The following ANK3 variants were observed in gnomAD, a reference collection of about 807,000 sequenced individuals.
ANK3 encodes ankyrin-3.
A neutral mutation model predicts 370.9 loss-of-function variants in ANK3; 57 were observed. The observed-to-expected ratio is 0.15, with a 90% CI of 0.12 to 0.19. The LOEUF (loss-of-function observed/expected upper bound fraction) is 0.19. Ranked by LOEUF, ANK3 falls within the 10% of genes least tolerant of loss-of-function variation. The pLI is 1.00. For synonymous variants in ANK3, 1,929 were observed against 1,946.3 expected (o/e 0.99, Z 0.23); for missense variants, 4,439 against 5,302.1 (o/e 0.84, Z 5.06).
chr10:60,071,192 C>T lies in ANK3; in HGVS notation c.9689G>A (p.Arg3230His), dbSNP rs749129953. Residue 3230 changes from arginine to histidine, a missense_variant, in exon 37 of 44, where the codon CGT becomes CAT. Transcript: ENST00000280772. ...QTTVEETAVE[R>H]EMPNDVSKDS... ...TTTGCTCACGTCATTAGGCATTTCA[C>T]GCTCAACTGCTGTTTCCTCCACTGT... The T allele has an allele frequency of 1.3e-5, 21 of 1,614,020 alleles. No individual in the cohort carries two copies. The highest frequency in any genetic ancestry group is 1.6e-4 in the Middle Eastern group (1 of 6,084).
At chr10:60,600,460 A>G (rs1469154468) in intron 2 of ANK3, among the ~76,000 whole-genome samples, 1 of 152,204 alleles carries the variant, frequency 6.6e-6, no homozygotes, top group Non-Finnish European at 1.5e-5. Flanking sequence ...AATAGTCATT[A>G]TGACCAAGTA....
chr10:60,109,657 A>G (rs1193942985), intron 26 of ANK3, among the ~76,000 whole-genome samples: 3 of 152,210 alleles, frequency 2.0e-5, no homozygotes, highest in Admixed American at 2.0e-4. Context: ...TGGGCTTAAA[A>G]GCTGTCTGAA....
intron 5 of ANK3, among the ~76,000 whole-genome samples, chr10:60,267,517 A>G (rs2097899966): frequency 6.6e-6 from 1 of 152,202 alleles, no homozygotes; most frequent in Non-Finnish European, 1.5e-5. Flanking sequence ...TCAATGTAAA[A>G]GAGTAAAAAC....
intron 7 of ANK3, among the ~76,000 whole-genome samples, chr10:60,241,176 ATT>A (rs57642274): frequency 6.6e-6 from 1 of 151,054 alleles, no homozygotes; most frequent in African/African-American, 2.5e-5. Context: ...AAATATGATG[ATT>A]TTTTTTCCCA....
At chr10:60,065,882 T>C (rs1338328372) in intron 38 of ANK3, among the ~76,000 whole-genome samples, 1 of 152,218 alleles carries the variant, frequency 6.6e-6, no homozygotes, top group African/African-American at 2.4e-5. Flanking sequence ...GGTACATCTA[T>C]TGGATATTTT....
chr10:60,401,781 T>C (rs1351835244), intron 2 of ANK3, among the ~76,000 whole-genome samples: 1 of 152,204 alleles, frequency 6.6e-6, no homozygotes, highest in Non-Finnish European at 1.5e-5. Context: ...CCTCCAATTT[T>C]TTTTATGAGA....
chr10:60,693,243 C>T (rs1052704056), intron 1 of ANK3, among the ~76,000 whole-genome samples: 2 of 152,236 alleles, frequency 1.3e-5, no homozygotes, highest in African/African-American at 2.4e-5. Flanking sequence ...GCACCTGGCT[C>T]GCAGGGTCCT....
chr10:60,524,590 A>G (rs1022696910), intron 2 of ANK3, among the ~76,000 whole-genome samples: 2 of 152,052 alleles, frequency 1.3e-5, no homozygotes, highest in East Asian at 1.9e-4. Context: ...GCCTTCCACC[A>G]TGATTGTCAG....
intron 1 of ANK3, among the ~76,000 whole-genome samples, chr10:60,685,998 G>T (rs2079262486): frequency 6.6e-6 from 1 of 152,190 alleles, no homozygotes; most frequent in South Asian, 2.1e-4. Context: ...TCACAGATCA[G>T]TTCTCTCCAA....
intron 40 of ANK3, chr10:60,062,442 T>C (rs772514958): frequency 6.6e-6 from 1 of 152,246 alleles, no homozygotes; most frequent in Non-Finnish European, 1.5e-5. Context: ...ATTAAGCTAA[T>C]GTGAAAGAGG....
At chr10:60,488,846 A>T (rs1314010871) in intron 2 of ANK3, among the ~76,000 whole-genome samples, 2 of 152,250 alleles carry the variant, frequency 1.3e-5, no homozygotes, top group African/African-American at 2.4e-5. Context: ...TGCATTAGAC[A>T]ACTGTACCAT....
At chr10:60,037,475 C>CT (rs1008139304) in intron 43 of ANK3, among the ~76,000 whole-genome samples, 1 of 152,128 alleles carries the variant, frequency 6.6e-6, no homozygotes, top group Non-Finnish European at 1.5e-5. Flanking sequence ...ATCCCAGTGT[C>CT]TGTTTTTTCC....
rs191782469 is a variant in ANK3 at position 60,725,987 on chromosome 10, A to G, written c.57+7276T>C. 2.9e-3 allele frequency among the ~76,000 whole-genome samples: 437 copies of G among 152,336 alleles called. 1 individual carries two copies. Among genetic ancestry groups the G allele is most frequent in the Non-Finnish European group, 4.4e-3 (296 of 68,018 alleles). ...CCCTCTACTAGTCCTAAAATATAAA[A>G]AATTGTACAGCAAATATGCACAAAG... On this transcript the variant is annotated intron_variant, in intron 1 of 43. Transcript: ENST00000373827.
chr10:60,520,897 CAA>C (rs1207649033), intron 2 of ANK3, among the ~76,000 whole-genome samples: 1 of 151,700 alleles, frequency 6.6e-6, no homozygotes, highest in East Asian at 1.9e-4. Flanking sequence ...CTACTTTGCT[CAA>C]AAGTCCTAAT....
intron 4 of ANK3, among the ~76,000 whole-genome samples, chr10:60,274,505 A>G (rs1208507267): frequency 6.6e-6 from 1 of 152,158 alleles, no homozygotes; most frequent in Admixed American, 6.5e-5. Context: ...TCCTGGATGG[A>G]CTGAGACAGA....
At chr10:60,684,787 G>T in intron 1 of ANK3, 1 of 1,553,170 alleles carries the variant, frequency 6.4e-7, no homozygotes, top group South Asian at 1.1e-5. Flanking sequence ...ATGCACAGAT[G>T]GCATTTTATT....
chr10:60,200,615 AC>A (rs1056615226), intron 12 of ANK3, among the ~76,000 whole-genome samples: 2 of 105,642 alleles, frequency 1.9e-5, no homozygotes, highest in African/African-American at 3.6e-5. Flanking sequence ...CCCACCCCAC[AC>A]CCCCCACATC....
chr10:60,647,828 T>G (rs540132920), intron 1 of ANK3, among the ~76,000 whole-genome samples: 1 of 150,232 alleles, frequency 6.7e-6, no homozygotes, highest in East Asian at 2.0e-4. Flanking sequence ...TTTTTCAAAT[T>G]TTCAAGACAG....
intron 1 of ANK3, among the ~76,000 whole-genome samples, chr10:60,381,915 T>C (rs1294301639): frequency 6.6e-6 from 1 of 152,194 alleles, no homozygotes; most frequent in African/African-American, 2.4e-5. Context: ...CCATGAATTG[T>C]AATGCTTAGG....
Sources: allele counts gnomAD v4.1 joint callset (sites outside exome capture counted in the v4.1 genomes callset), GRCh38; gene constraint gnomAD v4.1.1; transcripts MANE v1.5; gene names NCBI Gene and HGNC (gene_info 2026-07-23, HGNC 2026-07-21).